Variants in TGDS observed in about 807,000 individuals in gnomAD.
The protein encoded by TGDS is TDP-glucose 4,6-dehydratase, also known as UDP-D-glucose 4,6-dehydratase.
In TGDS, 47 loss-of-function variants were observed where a neutral mutation model predicts 52.3. The ratio of observed to expected loss-of-function variants is 0.90; its 90% CI spans 0.71 to 1.15. The LOEUF (loss-of-function observed/expected upper bound fraction) is 1.15, where lower values mean the gene tolerates loss of function less well. Ranked by LOEUF, TGDS falls within the 50% of genes most tolerant of loss-of-function variation. The pLI is 0.00. For missense variants in TGDS, 375 were observed against 418.4 expected (o/e 0.90, Z 0.90); for synonymous variants, 115 against 136.9 (o/e 0.84, Z 1.12).
intron 4 of TGDS, among the ~76,000 whole-genome samples, chr13:94,590,132 C>A (rs9524549): frequency 6.8e-6 from 1 of 148,122 alleles, no homozygotes. Flanking sequence ...TAATCTACAT[C>A]GATTTTGAAA....
chr13:94,592,327 C>A lies in TGDS; in HGVS notation c.154-18G>T. 6.3e-7 allele frequency: 1 copy of A among 1,579,502 alleles called. No individual in the cohort carries two copies. Among genetic ancestry groups the A allele is most frequent in the Non-Finnish European group, 8.6e-7 (1 of 1,168,604 alleles). On this transcript the variant is annotated intron_variant, in intron 2 of 11. Coordinates refer to ENST00000261296, the MANE Select transcript of TGDS (RefSeq NM_014305.4). ...TAATCCAGCTTGAAAGAAGAGAGCA[C>A]AGAAGGGGCAACACAAAAAGTGACA...
intron 1 of TGDS, among the ~76,000 whole-genome samples, chr13:94,594,430 C>T (rs1038963273): frequency 1.3e-5 from 2 of 152,150 alleles, no homozygotes; most frequent in Non-Finnish European, 2.9e-5. Flanking sequence ...AGACTAAACC[C>T]AGGATTCCCA....
At chr13:94,584,972 T>C (rs976268473) in intron 4 of TGDS, among the ~76,000 whole-genome samples, 1 of 152,030 alleles carries the variant, frequency 6.6e-6, no homozygotes, top group African/African-American at 2.4e-5. Context: ...TATAGTAAAA[T>C]CTACTAAATA....
rs1888529031 is a variant in TGDS at position 94,574,545 on chromosome 13, T to C, written c.*237A>G. On this transcript the variant is annotated 3_prime_UTR_variant, in exon 12 of 12. Transcript: ENST00000261296. ...CCTTAGGGAGAGTCTTCTACACCTA[T>C]TATTTCCTAGTTTCTAGGAGAAAGG... is the stretch of plus-strand genomic sequence containing the variant. 2.2e-6 allele frequency: 1 copy of C among 451,362 alleles called. No individual in the cohort carries two copies. The highest frequency in any genetic ancestry group is 3.9e-6 in the Non-Finnish European group (1 of 254,712). The allele number at this position is 451,362 out of a possible 1,614,324, so 28.0% of individuals were successfully genotyped here.
intron 2 of TGDS, among the ~76,000 whole-genome samples, chr13:94,593,259 C>T (rs1290553505): frequency 6.6e-6 from 1 of 152,148 alleles, no homozygotes; most frequent in African/African-American, 2.4e-5. Context: ...AATAATTACA[C>T]CTGTGTTATA....
At chr13:94,583,301 G>T in intron 4 of TGDS, 65 bp from the exon 5 acceptor site, 1 of 1,545,486 alleles carries the variant, frequency 6.5e-7, no homozygotes, top group African/African-American at 1.4e-5. Context: ...GCCAAATGAT[G>T]GACTCAGGTT....
intron 1 of TGDS, 131 bp downstream of exon 1, chr13:94,595,920 A>T: frequency 9.9e-7 from 1 of 1,007,810 alleles, no homozygotes; most frequent in South Asian, 1.4e-5. Flanking sequence ...CAGGTCGTGC[A>T]TTAGGACCCT....
chr13:94,574,211 G>A lies in TGDS; in HGVS notation c.*571C>T, dbSNP rs766502003. The A allele has an allele frequency of 3.9e-5, 6 of 151,900 alleles. No homozygotes were observed. Among genetic ancestry groups the A allele is most frequent in the East Asian group, 1.9e-4 (1 of 5,188 alleles). 9.4% of individuals were successfully genotyped at this position (151,900 alleles called of 1,614,324 possible). A position where few individuals can be genotyped will look rare whatever the true frequency, so the allele number is the denominator to read the frequency against. On this transcript the variant is annotated 3_prime_UTR_variant, in exon 12 of 12. Transcript: ENST00000261296. ...ATTTCTGATACAAGGTTTTACATAC[G>A]TTAATTGTGAAAATATAAAAACTTT...
Position 94,574,860 on chromosome 13 carries a change from GAAAAAAC to G in TGDS, c.983-15_983-9del. 3.6e-6 allele frequency: 5 copies of G among 1,404,920 alleles called. No individual in the cohort carries two copies. The highest frequency in any genetic ancestry group is 4.7e-6 in the Non-Finnish European group (5 of 1,056,060). The allele number at this position is 1,404,920 out of a possible 1,614,324, so 87.0% of individuals were successfully genotyped here. A position where few individuals can be genotyped will look rare whatever the true frequency, so the allele number is the denominator to read the frequency against. ...TCTCTCTGTACCATTCAACTAATAG[GAAAAAAC>G]AAAAGACAAAAAAAAAAAAGAAAAG... On this transcript the variant is annotated splice_polypyrimidine_tract_variant and intron_variant, in intron 11 of 11. Transcript: ENST00000261296.
intron 4 of TGDS, among the ~76,000 whole-genome samples, chr13:94,587,760 G>T (rs1463836423): frequency 6.6e-6 from 1 of 152,172 alleles, no homozygotes; most frequent in Non-Finnish European, 1.5e-5. Flanking sequence ...AACTTTGGGA[G>T]GCTGAGGCGG....
chr13:94,589,373 G>A (rs944097727), intron 4 of TGDS, among the ~76,000 whole-genome samples: 4 of 149,806 alleles, frequency 2.7e-5, no homozygotes, highest in Non-Finnish European at 5.9e-5. Flanking sequence ...GGAGTGCAGT[G>A]GTGCAACCTC....
intron 4 of TGDS, among the ~76,000 whole-genome samples, chr13:94,583,746 G>A (rs867164782): frequency 6.6e-6 from 1 of 152,060 alleles, no homozygotes; most frequent in African/African-American, 2.4e-5. Context: ...TAAAAATTTT[G>A]CATGGTTAAA....
intron 4 of TGDS, among the ~76,000 whole-genome samples, chr13:94,586,690 A>G (rs1407548947): frequency 6.6e-6 from 1 of 151,680 alleles, no homozygotes. Flanking sequence ...AAACCCATAC[A>G]TGTTTGGAAA....
chr13:94,574,885 AAGAAAAG>A, intron 11 of TGDS, 33 bp from the exon 12 acceptor site: 2 of 819,140 alleles, frequency 2.4e-6, no homozygotes, highest in African/African-American at 4.1e-5. Flanking sequence ...AAAAAAAAAA[AAGAAAAG>A]AAAGAAAAAC....
At chr13:94,584,142 T>C (rs1888898390) in intron 4 of TGDS, among the ~76,000 whole-genome samples, 2 of 152,220 alleles carry the variant, frequency 1.3e-5, no homozygotes, top group South Asian at 2.1e-4. Flanking sequence ...CTTGGAAATA[T>C]CTAGTCAAAT....
chr13:94,590,829 A>G, intron 4 of TGDS, 24 bp downstream of exon 4: 2 of 1,531,234 alleles, frequency 1.3e-6, no homozygotes, highest in Non-Finnish European at 1.7e-6. Context: ...GCCAATCATA[A>G]CTGTAACATA....
At position 94,576,367 on chromosome 13, in the gene TGDS, T is replaced by C. The variant is rs748405605; in HGVS notation, c.929A>G (p.His310Arg). The C allele has an allele frequency of 7.0e-5, 113 of 1,606,540 alleles. No homozygotes were observed. The highest frequency in any genetic ancestry group is 9.2e-5 in the Non-Finnish European group (108 of 1,176,278). ...MRYPMKSEKI[H>R]GLGWRPKVPW... ...CACTTTAGGTCTCCATCCTAAGCCATGTATTTTTTCTGACTTCATTGGGTA... is the reference window on the plus strand; with the variant it reads ...CACTTTAGGTCTCCATCCTAAGCCACGTATTTTTTCTGACTTCATTGGGTA... The change falls in exon 11 of 12, where the codon CAT becomes CGT. Residue 310 changes from histidine to arginine, a missense_variant. By Grantham distance (29) the His-to-Arg change is conservative. Coordinates refer to ENST00000261296, the MANE Select transcript of TGDS (RefSeq NM_014305.4).
chr13:94,592,171 A>G (rs1566965668), intron 3 of TGDS, 70 bp downstream of exon 3: 1 of 1,184,548 alleles, frequency 8.4e-7, no homozygotes, highest in Non-Finnish European at 1.2e-6. Flanking sequence ...ACAAGTTTGT[A>G]AAGTACAAAG....
In TGDS at chr13:94,578,230, T is replaced by C. The variant is rs190478926; in HGVS notation, c.660-60A>G. ...TAAAAAGGTAAACTCTCCTAAAGCA[T>C]TGACTGGGTACTACAACTCCAGAGA... On this transcript the variant is annotated intron_variant, in intron 8 of 11. Transcript: ENST00000261296. The C allele has an allele frequency of 2.6e-4, 397 of 1,508,440 alleles. 1 individual carries two copies. The East Asian group carries it at 6.4e-3, about 24-fold the overall frequency. The allele number at this position is 1,508,440 out of a possible 1,614,324, so 93.4% of individuals were successfully genotyped here. A position where few individuals can be genotyped will look rare whatever the true frequency, so the allele number is the denominator to read the frequency against.
Sources: gnomAD v4.1 joint callset for allele counts (sites outside exome capture counted in the v4.1 genomes callset) on GRCh38, gnomAD v4.1.1 for gene constraint, MANE v1.5 for transcripts, NCBI Gene and HGNC (gene_info 2026-07-23, HGNC 2026-07-21) for gene names.